The following LRRC7 variants were observed in gnomAD, a reference collection of about 807,000 sequenced individuals.
LRRC7 encodes the protein leucine-rich repeat-containing protein 7.
Under a neutral mutation model 175.7 loss-of-function variants are expected in LRRC7, and 23 were observed. The observed-to-expected ratio is 0.13, with a 90% CI of 0.09 to 0.19. The LOEUF (loss-of-function observed/expected upper bound fraction) is 0.19, where lower values mean the gene tolerates loss of function less well. Ranked by LOEUF, LRRC7 falls within the 10% of genes least tolerant of loss-of-function variation. The pLI, the probability that LRRC7 is intolerant of heterozygous loss-of-function variation, is 1.00. For synonymous variants in LRRC7, 685 were observed against 680.9 expected (o/e 1.01, Z -0.09); for missense variants, 1,354 against 1,904.7 (o/e 0.71, Z 5.38).
In LRRC7 at chr1:70,130,061, C is replaced by T. The variant is rs1038804378; in HGVS notation, c.*8174C>T. On this transcript the variant is annotated 3_prime_UTR_variant, in exon 27 of 27. Coordinates refer to ENST00000651989, the MANE Select transcript of LRRC7 (RefSeq NM_001370785.2). ...CAGCACTAGAACCATGAAACCCTCCCTAGTCTTCATGGAAAAAAATTTCTG... is the reference window on the plus strand; with the variant it reads ...CAGCACTAGAACCATGAAACCCTCCTTAGTCTTCATGGAAAAAAATTTCTG... 6.6e-6 allele frequency: 1 copy of T among 152,142 alleles called. No individual in the cohort carries two copies. Among genetic ancestry groups the T allele is most frequent in the Non-Finnish European group, 1.5e-5 (1 of 68,032 alleles). 9.4% of individuals were successfully genotyped at this position (152,142 alleles called of 1,614,324 possible).
chr1:70,009,543 T>C (rs532215105), intron 11 of LRRC7, among the ~76,000 whole-genome samples: 27 of 152,150 alleles, frequency 1.8e-4, no homozygotes, highest in Admixed American at 1.1e-3. Context: ...TTACTGATAA[T>C]AAGAGGAAAA....
rs1272708900 is a variant in LRRC7, at chr1:70,140,127, G to A, written c.*18240G>A. 3 of 152,098 alleles carry A rather than the reference G, an allele frequency of 2.0e-5. No homozygotes were observed. The highest frequency in any genetic ancestry group is 7.2e-5 in the African/African-American group (3 of 41,418). 9.4% of individuals were successfully genotyped at this position (152,098 alleles called of 1,614,324 possible). On this transcript the variant is annotated 3_prime_UTR_variant, in exon 27 of 27. Coordinates refer to ENST00000651989, the MANE Select transcript of LRRC7 (RefSeq NM_001370785.2). ...GTGCAATAATCTTGTCGAGTAGTAT[G>A]TGCTGGTTTTGGAAAGGTGAAAAGA... is the stretch of plus-strand genomic sequence containing the variant.
intron 8 of LRRC7, among the ~76,000 whole-genome samples, chr1:69,935,637 G>T (rs1647930605): frequency 1.3e-5 from 2 of 151,988 alleles, no homozygotes; most frequent in African/African-American, 4.8e-5. Flanking sequence ...TGAAATGCCG[G>T]TTTATGTATT....
At chr1:69,609,477 A>G (rs1648346908) in intron 1 of LRRC7, among the ~76,000 whole-genome samples, 2 of 151,972 alleles carry the variant, frequency 1.3e-5, no homozygotes, top group South Asian at 4.1e-4. Context: ...GAAAGAAAAA[A>G]ATAAAAATGA....
At chr1:69,916,297 A>G (rs975197054) in intron 7 of LRRC7, among the ~76,000 whole-genome samples, 1 of 138,766 alleles carries the variant, frequency 7.2e-6, no homozygotes, top group Non-Finnish European at 1.5e-5. Context: ...TATTATATAT[A>G]TAAAACTATA....
At chr1:70,087,581 A>G (rs933843359) in intron 24 of LRRC7, among the ~76,000 whole-genome samples, 13 of 152,202 alleles carry the variant, frequency 8.5e-5, no homozygotes, top group African/African-American at 2.9e-4. Context: ...ATAAGTTTAT[A>G]TTCATAAACT....
intron 25 of LRRC7, among the ~76,000 whole-genome samples, chr1:70,093,799 T>C (rs1664200405): frequency 6.6e-6 from 1 of 152,196 alleles, no homozygotes; most frequent in Non-Finnish European, 1.5e-5. Flanking sequence ...ACAATATTCT[T>C]TGCTTGTATG....
At chr1:70,094,647 T>C (rs1664260907) in intron 25 of LRRC7, among the ~76,000 whole-genome samples, 1 of 152,158 alleles carries the variant, frequency 6.6e-6, no homozygotes, top group Admixed American at 6.6e-5. Flanking sequence ...GGATATTACA[T>C]CAAATAAAAG....
At chr1:70,067,393 C>T (rs970360010) in intron 23 of LRRC7, among the ~76,000 whole-genome samples, 1 of 152,096 alleles carries the variant, frequency 6.6e-6, no homozygotes, top group Non-Finnish European at 1.5e-5. Context: ...TTCTTTCCTA[C>T]ATTAAATTGC....
chr1:70,023,655 A>G (rs558032118), intron 17 of LRRC7, among the ~76,000 whole-genome samples: 69 of 151,660 alleles, frequency 4.5e-4, no homozygotes, highest in Non-Finnish European at 8.3e-4. Flanking sequence ...TCTTTAATTT[A>G]AAGTGTGGGA....
At chr1:70,016,310 A>G (rs930004897) in intron 13 of LRRC7, among the ~76,000 whole-genome samples, 155 bp from the exon 14 acceptor site, 6 of 152,188 alleles carry the variant, frequency 3.9e-5, no homozygotes, top group African/African-American at 1.4e-4. Flanking sequence ...TGTAAATAGG[A>G]TATTTTCATT....
At chr1:69,626,857 AATG>A (rs1360581280) in intron 1 of LRRC7, among the ~76,000 whole-genome samples, 1 of 151,604 alleles carries the variant, frequency 6.6e-6, no homozygotes, top group African/African-American at 2.4e-5. Flanking sequence ...GTTTGCTGAG[AATG>A]ATGGTTTCCA....
intron 26 of LRRC7, among the ~76,000 whole-genome samples, chr1:70,108,811 TACAA>T (rs999158891): frequency 6.7e-4 from 102 of 152,312 alleles, no homozygotes; most frequent in African/African-American, 2.3e-3. Flanking sequence ...AGATCAACTA[TACAA>T]ACACAGTTTA....
At chr1:69,744,813 AT>A (rs1294001856) in intron 2 of LRRC7, among the ~76,000 whole-genome samples, 1 of 151,798 alleles carries the variant, frequency 6.6e-6, no homozygotes, top group Non-Finnish European at 1.5e-5. Flanking sequence ...AAAAATAAAT[AT>A]TTTTTCCCAT....
chr1:69,770,126 G>T (rs1456184691), intron 3 of LRRC7, among the ~76,000 whole-genome samples: 2 of 152,260 alleles, frequency 1.3e-5, no homozygotes, highest in East Asian at 1.9e-4. Context: ...CGTGACAGTT[G>T]TTCAAGATTC....
At position 70,133,792 on chromosome 1, in the gene LRRC7, T is replaced by C. The variant is rs570974811; in HGVS notation, c.*11905T>C. Among the ~76,000 whole-genome samples, 2 of 152,346 alleles carry C rather than the reference T, an allele frequency of 1.3e-5. No individual in the cohort carries two copies. The highest frequency in any genetic ancestry group is 2.1e-4 in the South Asian group (1 of 4,828). On this transcript the variant is annotated 3_prime_UTR_variant, in exon 27 of 27. Transcript: ENST00000651989. ...ATTATTATACCCACCAGTTTAATAG[T>C]TCTTCTCTAACTTGTGTTTTCCAAA...
intron 18 of LRRC7, among the ~76,000 whole-genome samples, chr1:70,033,727 C>A (rs551975758): frequency 6.6e-6 from 1 of 152,038 alleles, no homozygotes; most frequent in Non-Finnish European, 1.5e-5. Flanking sequence ...AAAGTCGAAT[C>A]AATACAAACA....
At chr1:69,765,380 A>G (rs1471989142) in intron 3 of LRRC7, among the ~76,000 whole-genome samples, 3 of 152,050 alleles carry the variant, frequency 2.0e-5, no homozygotes, top group Non-Finnish European at 2.9e-5. Flanking sequence ...CTTTTTGTCC[A>G]TTAGTGCTGG....
At chr1:69,751,465 GAAGGAAAA>G (rs1407477191) in intron 2 of LRRC7, among the ~76,000 whole-genome samples, 2 of 151,866 alleles carry the variant, frequency 1.3e-5, no homozygotes, top group East Asian at 3.9e-4. Context: ...ATTTAATATA[GAAGGAAAA>G]AAGGAAAGAA....
Sources: gnomAD v4.1 joint callset for allele counts (sites outside exome capture counted in the v4.1 genomes callset) on GRCh38, gnomAD v4.1.1 for gene constraint, MANE v1.5 for transcripts, NCBI Gene and HGNC (gene_info 2026-07-23, HGNC 2026-07-21) for gene names.